Variants in CPED1 observed in about 807,000 individuals in gnomAD.
CPED1 encodes cadherin-like and PC-esterase domain-containing protein 1.
Under a neutral mutation model 128.2 loss-of-function variants are expected in CPED1, and 114 were observed. That is an observed-to-expected ratio of 0.89 (90% confidence interval 0.76 to 1.04). CPED1 has a LOEUF of 1.04. CPED1 is among the 50% of genes least tolerant of loss of function. CPED1 has a pLI of 0.00. For missense variants in CPED1, 1,211 were observed against 1,207.1 expected (o/e 1.00, Z -0.05); for synonymous variants, 462 against 426.7 (o/e 1.08, Z -1.02).
chr7:121,117,512 C>T (rs73433957), intron 7 of CPED1, among the ~76,000 whole-genome samples: 15,280 of 151,988 alleles, frequency 0.1, 1,273 homozygotes, highest in African/African-American at 0.22. Context: ...TCTTTTTCTT[C>T]TATTGTTAAA....
chr7:121,212,335 G>A (rs962583406), intron 16 of CPED1, among the ~76,000 whole-genome samples: 2 of 151,966 alleles, frequency 1.3e-5, no homozygotes, highest in Non-Finnish European at 2.9e-5. Flanking sequence ...ATAAATCAGG[G>A]TCCAGTAAGT....
intron 2 of CPED1, among the ~76,000 whole-genome samples, chr7:120,999,560 A>G (rs892167508): frequency 6.6e-6 from 1 of 152,098 alleles, no homozygotes; most frequent in African/African-American, 2.4e-5. Context: ...CATTCCTTTT[A>G]TAAATTTTTA....
intron 11 of CPED1, among the ~76,000 whole-genome samples, chr7:121,129,740 G>A (rs981445156): frequency 5.9e-5 from 9 of 151,748 alleles, no homozygotes; most frequent in African/African-American, 1.5e-4. Context: ...TTTTATTTGC[G>A]GGGGAAAGAG....
At chr7:121,019,737 C>T (rs1792388905) in intron 3 of CPED1, among the ~76,000 whole-genome samples, 1 of 151,938 alleles carries the variant, frequency 6.6e-6, no homozygotes, top group Admixed American at 6.6e-5. Context: ...AACATATGCA[C>T]TATTATGGTT....
intron 16 of CPED1, among the ~76,000 whole-genome samples, chr7:121,164,178 C>T (rs1448521339): frequency 6.6e-6 from 1 of 152,206 alleles, no homozygotes; most frequent in African/African-American, 2.4e-5. Context: ...TGGCCCACTG[C>T]TGGATACTTG....
chr7:121,200,345 T>C (rs77608690), intron 16 of CPED1, among the ~76,000 whole-genome samples: 35 of 152,236 alleles, frequency 2.3e-4, no homozygotes, highest in Middle Eastern at 3.4e-3. Flanking sequence ...TGTCAATGCA[T>C]ACTGTGGATT....
At chr7:121,201,187 G>A (rs4730999) in intron 16 of CPED1, among the ~76,000 whole-genome samples, 92,523 of 151,828 alleles carry the variant, frequency 0.61, 28,584 homozygotes, top group East Asian at 0.88. Flanking sequence ...CTTTTCTATC[G>A]AGACACCCCA....
At chr7:121,232,204 G>GT (rs1554451501) in intron 16 of CPED1, among the ~76,000 whole-genome samples, 2 of 152,034 alleles carry the variant, frequency 1.3e-5, no homozygotes. Context: ...CGCAGGGCAA[G>GT]TTTTTTTTCC....
chr7:121,021,886 T>C (rs1030687656), intron 3 of CPED1, among the ~76,000 whole-genome samples: 13 of 152,012 alleles, frequency 8.6e-5, no homozygotes, highest in African/African-American at 3.1e-4. Flanking sequence ...AAATATGCAG[T>C]AGTGTAAGAG....
intron 7 of CPED1, among the ~76,000 whole-genome samples, chr7:121,108,163 G>GA (rs1795023865): frequency 6.6e-6 from 1 of 152,016 alleles, no homozygotes; most frequent in South Asian, 2.1e-4. Flanking sequence ...ATGGCAAGAG[G>GA]AAAAAAGGCA....
rs1338149121 is a variant in CPED1 at position 121,001,825 on chromosome 7, G to C, written c.249+11955G>C. Among the ~76,000 whole-genome samples the C allele has an allele frequency of 2.6e-5, 4 of 152,242 alleles. No individual in the cohort carries two copies. In the East Asian group the frequency reaches 5.8e-4, roughly 22 times the overall value. On this transcript the variant is annotated intron_variant, in intron 2 of 22. Transcript: ENST00000310396. ...TAGTCTGTGGTCCAGGGATTGAAAT[G>C]CCTGTCACAGAGGTGCTATGGGATC...
chr7:121,020,826 T>C (rs895071551), intron 3 of CPED1, among the ~76,000 whole-genome samples: 2 of 151,848 alleles, frequency 1.3e-5, no homozygotes, highest in African/African-American at 2.4e-5. Flanking sequence ...ACTTCCCACA[T>C]GCTCAAATGA....
chr7:121,165,160 A>C (rs139552115), intron 16 of CPED1, among the ~76,000 whole-genome samples: 1 of 152,218 alleles, frequency 6.6e-6, no homozygotes, highest in Non-Finnish European at 1.5e-5. Context: ...ACAAAAAGGA[A>C]CAAAAAAGGA....
intron 19 of CPED1, 37 bp downstream of exon 19, chr7:121,266,484 A>G (rs1432795077): frequency 6.6e-7 from 1 of 1,517,446 alleles, no homozygotes; most frequent in Non-Finnish European, 9.2e-7. Flanking sequence ...CAAAACCCAC[A>G]AAGTACTGAT....
rs1286167648 is a variant in CPED1, at chr7:121,256,111, C to CAAAAAA, written c.2311-10109_2311-10104dup. Among the ~76,000 whole-genome samples the CAAAAAA allele has an allele frequency of 6.2e-3, 211 of 34,054 alleles. 14 individuals are homozygous for CAAAAAA. Among genetic ancestry groups the CAAAAAA allele is most frequent in the African/African-American group, 0.018 (166 of 9,070 alleles). 22.3% of individuals were successfully genotyped at this position (34,054 alleles called of 152,430 possible). ...CCCTAATAGTTAAAGCAATCCTAAG[C>CAAAAAA]AAAAAAAAAAAACAAAACAAAAAAA... On this transcript the variant is annotated intron_variant, in intron 18 of 22. Coordinates refer to ENST00000310396, the MANE Select transcript of CPED1 (RefSeq NM_024913.5).
intron 18 of CPED1, 44 bp from the exon 19 acceptor site, chr7:121,266,183 G>A: frequency 6.9e-7 from 1 of 1,458,850 alleles, no homozygotes; most frequent in Non-Finnish European, 9.6e-7. Context: ...CCTGTACCAT[G>A]TAAACATAAG....
intron 10 of CPED1, 127 bp from the exon 11 acceptor site, chr7:121,128,255 T>G: frequency 1.6e-6 from 1 of 611,302 alleles, no homozygotes; most frequent in Non-Finnish European, 3.0e-6. Context: ...ATGTATTATT[T>G]AACATTAATT....
chr7:121,083,255 T>G (rs1395942202), intron 5 of CPED1, among the ~76,000 whole-genome samples: 1 of 152,200 alleles, frequency 6.6e-6, no homozygotes, highest in Non-Finnish European at 1.5e-5. Context: ...AGTCCAGTCT[T>G]ATGCCTGGGA....
At chr7:120,997,264 A>T (rs1796422245) in intron 2 of CPED1, among the ~76,000 whole-genome samples, 1 of 152,264 alleles carries the variant, frequency 6.6e-6, no homozygotes, top group Non-Finnish European at 1.5e-5. Context: ...GAACATTAGA[A>T]TGTTAGAACT....
Sources: allele counts gnomAD v4.1 joint callset (sites outside exome capture counted in the v4.1 genomes callset), GRCh38; gene constraint gnomAD v4.1.1; transcripts MANE v1.5; gene names NCBI Gene and HGNC (gene_info 2026-07-23, HGNC 2026-07-21).